The following HS6ST1 variants were observed in gnomAD, a reference collection of about 807,000 sequenced individuals.
HS6ST1 encodes heparan-sulfate 6-O-sulfotransferase 1.
A neutral mutation model predicts 25.2 loss-of-function variants in HS6ST1; 3 were observed. The ratio of observed to expected loss-of-function variants is 0.12; its 90% CI spans 0.05 to 0.31. The LOEUF (loss-of-function observed/expected upper bound fraction) is 0.31, where lower values mean the gene tolerates loss of function less well. Among genes scored for constraint, HS6ST1 ranks in the 10% least tolerant of loss-of-function variants. The probability of loss-of-function intolerance (pLI) is 1.00; values close to 1 mark genes in which losing one functional copy is unlikely to be tolerated. For missense variants in HS6ST1, 310 were observed against 609.6 expected, an observed-to-expected ratio of 0.51 and a Z score of 5.18; for synonymous variants, 204 against 275.1, an observed-to-expected ratio of 0.74 and a Z score of 2.56.
intron 1 of HS6ST1, among the ~76,000 whole-genome samples, chr2:128,281,583 C>T (rs190326441): frequency 1.0e-3 from 159 of 152,310 alleles, no homozygotes; most frequent in Non-Finnish European, 1.4e-3. Flanking sequence ...CTTTGTAGAG[C>T]GAAGAGAAAG....
At chr2:128,314,614 G>A (rs538389992) in intron 1 of HS6ST1, among the ~76,000 whole-genome samples, 2 of 152,324 alleles carry the variant, frequency 1.3e-5, no homozygotes, top group East Asian at 1.9e-4. Context: ...TGGAGTCTGA[G>A]AAGGCTTCAG....
intron 1 of HS6ST1, among the ~76,000 whole-genome samples, chr2:128,294,441 C>T (rs1314772813): frequency 6.6e-6 from 1 of 152,178 alleles, no homozygotes; most frequent in East Asian, 1.9e-4. Flanking sequence ...GACTTGCCAC[C>T]TTTAGAAACT....
chr2:128,301,683 A>AGCGT (rs1174043529), intron 1 of HS6ST1, among the ~76,000 whole-genome samples: 1 of 152,050 alleles, frequency 6.6e-6, no homozygotes, highest in East Asian at 1.9e-4. Context: ...TGTGTGGGAG[A>AGCGT]GCGTGCGTGC....
intron 1 of HS6ST1, among the ~76,000 whole-genome samples, chr2:128,269,379 C>T (rs762981188): frequency 6.6e-6 from 1 of 152,158 alleles, no homozygotes; most frequent in African/African-American, 2.4e-5. Context: ...AGCCCAGGAC[C>T]CCAGAGGAAG....
intron 1 of HS6ST1, among the ~76,000 whole-genome samples, chr2:128,293,086 GCTCCGCCACACCAGGC>G (rs1693981206): frequency 1.3e-5 from 2 of 152,164 alleles, no homozygotes; most frequent in Non-Finnish European, 2.9e-5. Context: ...TCCCTGCTCT[GCTCCGCCACACCAGGC>G]CTCCCTCCCC....
chr2:128,280,651 C>T (rs1868393), intron 1 of HS6ST1, among the ~76,000 whole-genome samples: 5,963 of 152,262 alleles, frequency 0.039, 150 homozygotes, highest in South Asian at 0.085. Flanking sequence ...AAATGCTGGG[C>T]TAAGGCTGTC....
rs551889931 is a variant in HS6ST1, at chr2:128,309,510, A to G, written c.527+8527T>C. Among the ~76,000 whole-genome samples, 12 of 152,354 alleles carry G rather than the reference A, an allele frequency of 7.9e-5. No homozygotes were observed. In the Middle Eastern group the frequency reaches 0.02, roughly 259 times the overall value. On this transcript the variant is annotated intron_variant, in intron 1 of 1. Coordinates refer to ENST00000259241, the MANE Select transcript of HS6ST1 (RefSeq NM_004807.3). The stretch of plus-strand genomic sequence containing the variant: ...GGAGGCCCTGTCACAGGGAGATAAC[A>G]GGCCCCTGCCCCTGCCCATGACCAC...
chr2:128,314,059 C>A (rs1282211158), intron 1 of HS6ST1, among the ~76,000 whole-genome samples: 3 of 152,138 alleles, frequency 2.0e-5, no homozygotes, highest in African/African-American at 7.2e-5. Context: ...CACAGTGACA[C>A]CCCCAGCCTG....
chr2:128,285,879 A>G (rs1693853766), intron 1 of HS6ST1, among the ~76,000 whole-genome samples: 1 of 152,158 alleles, frequency 6.6e-6, no homozygotes, highest in South Asian at 2.1e-4. Flanking sequence ...CTGCCCCAAA[A>G]TAGCTCTGTC....
At chr2:128,304,968 CT>C (rs1694187077) in intron 1 of HS6ST1, among the ~76,000 whole-genome samples, 1 of 152,230 alleles carries the variant, frequency 6.6e-6, no homozygotes, top group Non-Finnish European at 1.5e-5. Context: ...CAGGGCCTTC[CT>C]GGTGGCCCAG....
chr2:128,298,925 G>A (rs561093625), intron 1 of HS6ST1, among the ~76,000 whole-genome samples: 19 of 152,320 alleles, frequency 1.2e-4, no homozygotes, highest in African/African-American at 4.1e-4. Flanking sequence ...CCCTGGGCGC[G>A]GCCACCCTGG....
At chr2:128,284,037 T>G (rs1306571517) in intron 1 of HS6ST1, among the ~76,000 whole-genome samples, 1 of 152,160 alleles carries the variant, frequency 6.6e-6, no homozygotes, top group Non-Finnish European at 1.5e-5. Flanking sequence ...GCAGGGGGGC[T>G]GAGTCAGACC....
intron 1 of HS6ST1, among the ~76,000 whole-genome samples, chr2:128,302,473 C>T (rs1051943260): frequency 6.6e-6 from 1 of 152,146 alleles, no homozygotes; most frequent in African/African-American, 2.4e-5. Flanking sequence ...CTGTGACCAT[C>T]TGCAGCTCCT....
chr2:128,297,272 G>A (rs913948400), intron 1 of HS6ST1, among the ~76,000 whole-genome samples: 4 of 152,110 alleles, frequency 2.6e-5, no homozygotes, highest in Admixed American at 6.5e-5. Flanking sequence ...CCATTCAATG[G>A]GGAAAACACA....
intron 1 of HS6ST1, among the ~76,000 whole-genome samples, chr2:128,271,888 G>A (rs1418233754): frequency 6.6e-6 from 1 of 152,206 alleles, no homozygotes; most frequent in Non-Finnish European, 1.5e-5. Context: ...GCTGCCACTA[G>A]GGCACATAAC....
intron 1 of HS6ST1, among the ~76,000 whole-genome samples, chr2:128,315,409 C>T (rs886809436): frequency 3.9e-5 from 6 of 152,314 alleles, no homozygotes; most frequent in African/African-American, 9.6e-5. Context: ...CCTCCCAAAC[C>T]GCAGCAGGGA....
chr2:128,286,448 G>A (rs539846952), intron 1 of HS6ST1, among the ~76,000 whole-genome samples: 1 of 152,322 alleles, frequency 6.6e-6, no homozygotes, highest in South Asian at 2.1e-4. Flanking sequence ...GCCTGGCAAG[G>A]GGGCTGGGGA....
At chr2:128,307,501 CAGG>C (rs1694231219) in intron 1 of HS6ST1, among the ~76,000 whole-genome samples, 1 of 152,194 alleles carries the variant, frequency 6.6e-6, no homozygotes, top group African/African-American at 2.4e-5. Flanking sequence ...AAATGATGAA[CAGG>C]AGGAGAGAAG....
chr2:128,299,423 G>T (rs902866879), intron 1 of HS6ST1, among the ~76,000 whole-genome samples: 2 of 152,228 alleles, frequency 1.3e-5, no homozygotes, highest in Non-Finnish European at 2.9e-5. Context: ...AGGCTCTGCT[G>T]GCCCCAGTCT....
Sources: allele counts gnomAD v4.1 joint callset (sites outside exome capture counted in the v4.1 genomes callset), GRCh38; gene constraint gnomAD v4.1.1; transcripts MANE v1.5; gene names NCBI Gene and HGNC (gene_info 2026-07-23, HGNC 2026-07-21).